Variants in PTPRR observed in about 807,000 individuals in gnomAD.
PTPRR encodes the protein receptor-type tyrosine-protein phosphatase R.
PTPRR carries 38 observed loss-of-function variants against 77.2 expected under a neutral mutation model. That is an observed-to-expected ratio of 0.49 (90% CI 0.38 to 0.65). The LOEUF (loss-of-function observed/expected upper bound fraction) is 0.65, where lower values mean the gene tolerates loss of function less well. Among genes scored for constraint, PTPRR ranks in the 30% least tolerant of loss-of-function variants. The pLI is 0.00. For synonymous variants in PTPRR, 299 were observed against 283.1 expected (o/e 1.06, Z -0.57); for missense variants, 744 against 799.2 (o/e 0.93, Z 0.83).
chr12:70,796,613 T>C (rs1163287824), intron 2 of PTPRR, among the ~76,000 whole-genome samples: 3 of 152,158 alleles, frequency 2.0e-5, no homozygotes, highest in Non-Finnish European at 4.4e-5. Context: ...ATCTCTTCCA[T>C]TGAGAATTTA....
intron 1 of PTPRR, among the ~76,000 whole-genome samples, chr12:70,897,366 A>G (rs1258352123): frequency 6.6e-6 from 1 of 152,100 alleles, no homozygotes; most frequent in Non-Finnish European, 1.5e-5. Flanking sequence ...ACACTTCTCA[A>G]AAGAAGACAT....
Position 70,662,534 on chromosome 12 carries a change from A to G in PTPRR, c.1569T>C (p.Asn523=). 6.2e-7 allele frequency: 1 copy of G among 1,612,158 alleles called. No individual in the cohort carries two copies. Among genetic ancestry groups the G allele is most frequent in the Non-Finnish European group, 8.5e-7 (1 of 1,178,634 alleles). Residue 523 remains asparagine (N), a synonymous_variant, in exon 11 of 14, where the codon AAT becomes AAC. Coordinates refer to ENST00000283228, the MANE Select transcript of PTPRR (RefSeq NM_002849.4). ...TTCGAATGGTGTAGTTATCACATTC[A>G]TTTACACTGATAACCAGAACCTCAA... ...GKVEVLVISV[N]ECDNYTIRNL... is the part of the protein sequence containing the mutation.
intron 2 of PTPRR, among the ~76,000 whole-genome samples, chr12:70,834,585 T>C (rs1892269901): frequency 6.6e-6 from 1 of 152,164 alleles, no homozygotes; most frequent in Admixed American, 6.6e-5. Context: ...ATTATTTTAG[T>C]GGTTCAAACT....
At chr12:70,836,306 GTTTTTT>G (rs5799004) in intron 2 of PTPRR, among the ~76,000 whole-genome samples, 1 of 141,178 alleles carries the variant, frequency 7.1e-6, no homozygotes, top group Non-Finnish European at 1.5e-5. Context: ...CAAGACATGT[GTTTTTT>G]TTTTTTTTCT....
chr12:70,763,445 GA>G (rs1412783735), intron 3 of PTPRR, among the ~76,000 whole-genome samples: 2 of 152,154 alleles, frequency 1.3e-5, no homozygotes, highest in African/African-American at 4.8e-5. Flanking sequence ...TCATTCAGGG[GA>G]ATGTTGTATT....
At chr12:70,789,377 T>C (rs1452131187) in intron 2 of PTPRR, among the ~76,000 whole-genome samples, 2 of 152,134 alleles carry the variant, frequency 1.3e-5, no homozygotes, top group African/African-American at 4.8e-5. Context: ...TGCTAGGGTC[T>C]TTATAGATAT....
chr12:70,880,915 A>AT, intron 2 of PTPRR, among the ~76,000 whole-genome samples: 1 of 152,052 alleles, frequency 6.6e-6, no homozygotes. Flanking sequence ...TATCAATTTG[A>AT]TTTTTTATTT....
rs181439200 is a variant in PTPRR at position 70,783,258 on chromosome 12, A to C, written c.358-18480T>G. Among the ~76,000 whole-genome samples the C allele has an allele frequency of 1.8e-4, 27 of 152,162 alleles. 1 individual carries two copies. Among genetic ancestry groups the C allele is most frequent in the Admixed American group, 1.1e-3 (17 of 15,292 alleles). ...TTCTCTGTAGGCTGGTCATCTGTGG[A>C]GTGTTCAGCTCTCAGCAGAGAGGAG... is the stretch of plus-strand genomic sequence containing the variant. On this transcript the variant is annotated intron_variant, in intron 2 of 13. Transcript: ENST00000283228.
chr12:70,755,708 A>G (rs1890545967), intron 4 of PTPRR, among the ~76,000 whole-genome samples: 2 of 152,096 alleles, frequency 1.3e-5, no homozygotes, highest in Non-Finnish European at 2.9e-5. Context: ...TGATTTAGAT[A>G]TGTATTTTAA....
chr12:70,894,535 G>T (rs4261368), intron 1 of PTPRR, among the ~76,000 whole-genome samples: 1 of 151,654 alleles, frequency 6.6e-6, no homozygotes, highest in African/African-American at 2.4e-5. Flanking sequence ...AGGGAAAGAA[G>T]AAAATTACTC....
intron 2 of PTPRR, among the ~76,000 whole-genome samples, chr12:70,812,074 T>C (rs887712510): frequency 6.6e-5 from 10 of 152,218 alleles, no homozygotes; most frequent in Non-Finnish European, 1.3e-4. Context: ...CCTCAGTCTT[T>C]CTGCTATGCA....
At chr12:70,821,972 T>C (rs1892023688) in intron 2 of PTPRR, among the ~76,000 whole-genome samples, 1 of 152,196 alleles carries the variant, frequency 6.6e-6, no homozygotes, top group Non-Finnish European at 1.5e-5. Context: ...CCGAAACCTA[T>C]GTATTTATTA....
chr12:70,842,037 T>C (rs1358273019), intron 2 of PTPRR, among the ~76,000 whole-genome samples: 1 of 152,160 alleles, frequency 6.6e-6, no homozygotes, highest in African/African-American at 2.4e-5. Flanking sequence ...GTTAATATAT[T>C]CCCTGAAGTA....
At chr12:70,898,463 T>C (rs1893474025) in intron 1 of PTPRR, among the ~76,000 whole-genome samples, 1 of 149,478 alleles carries the variant, frequency 6.7e-6, no homozygotes, top group African/African-American at 2.4e-5. Flanking sequence ...TTTAACTCCT[T>C]GATACTCTTT....
intron 1 of PTPRR, among the ~76,000 whole-genome samples, chr12:70,913,650 C>A (rs767484662): frequency 5.9e-5 from 9 of 152,094 alleles, no homozygotes; most frequent in African/African-American, 9.7e-5. Context: ...TAGCATCATG[C>A]CCATGGGACA....
At chr12:70,776,958 C>A (rs1891101635) in intron 2 of PTPRR, among the ~76,000 whole-genome samples, 1 of 152,016 alleles carries the variant, frequency 6.6e-6, no homozygotes, top group Admixed American at 6.6e-5. Flanking sequence ...CCTTCCTAGC[C>A]CTTCATCCTA....
chr12:70,816,819 A>G (rs1487574185), intron 2 of PTPRR, among the ~76,000 whole-genome samples: 5 of 152,128 alleles, frequency 3.3e-5, no homozygotes, highest in African/African-American at 7.2e-5. Context: ...ATGTTTTTCA[A>G]CTTCTAAGTT....
At chr12:70,763,417 C>T (rs903066123) in intron 3 of PTPRR, among the ~76,000 whole-genome samples, 2 of 152,190 alleles carry the variant, frequency 1.3e-5, no homozygotes, top group African/African-American at 4.8e-5. Context: ...CAGGCGTGAG[C>T]CACCGGGTAA....
intron 2 of PTPRR, among the ~76,000 whole-genome samples, chr12:70,814,139 A>C (rs1891859054): frequency 6.6e-6 from 1 of 152,156 alleles, no homozygotes; most frequent in African/African-American, 2.4e-5. Flanking sequence ...TAAGAGGCAA[A>C]AGCAAATTTA....
Sources: gnomAD v4.1 joint callset for allele counts (sites outside exome capture counted in the v4.1 genomes callset) on GRCh38, gnomAD v4.1.1 for gene constraint, MANE v1.5 for transcripts, NCBI Gene and HGNC (gene_info 2026-07-23, HGNC 2026-07-21) for gene names.